AKAP19: variants seen among roughly 807,000 people sequenced by gnomAD.
AKAP19 encodes A-kinase anchoring protein 19, also known as small A-kinase anchoring protein.
the AKAP19 span, among the ~76,000 whole-genome samples, chr2:189,903,426 G>A: frequency 1.3e-5 from 2 of 151,864 alleles, no homozygotes; most frequent in African/African-American, 2.4e-5. Context: ...ACAAGGCAAG[G>A]TCTTGAGGAT....
chr2:189,914,493 G>A, the AKAP19 span, among the ~76,000 whole-genome samples: 1 of 152,064 alleles, frequency 6.6e-6, no homozygotes, highest in East Asian at 1.9e-4. Context: ...ACTGCCAGCA[G>A]TAAGCTAAAT....
the AKAP19 span, chr2:189,924,063 G>T: frequency 3.2e-5 from 49 of 1,533,420 alleles, no homozygotes; most frequent in East Asian, 9.2e-4. Context: ...TCTGAGGGGG[G>T]TGCAGATGAC....
At chr2:190,159,829 C>A in the AKAP19 span, among the ~76,000 whole-genome samples, 1 of 152,182 alleles carries the variant, frequency 6.6e-6, no homozygotes, top group Non-Finnish European at 1.5e-5. Flanking sequence ...TTCTTAAGAG[C>A]CATTGTTGGC....
At chr2:189,993,106 G>C in the AKAP19 span, among the ~76,000 whole-genome samples, 1 of 152,174 alleles carries the variant, frequency 6.6e-6, no homozygotes, top group Non-Finnish European at 1.5e-5. Flanking sequence ...GTTCCCTGGG[G>C]GAATGCTTTC....
At chr2:190,097,238 CA>C in the AKAP19 span, among the ~76,000 whole-genome samples, 2 of 152,076 alleles carry the variant, frequency 1.3e-5, no homozygotes, top group South Asian at 2.1e-4. Context: ...ACCCCTACCC[CA>C]ACAGGCCCCA....
the AKAP19 span, among the ~76,000 whole-genome samples, chr2:190,122,107 G>A: frequency 3.9e-5 from 6 of 152,142 alleles, no homozygotes; most frequent in Non-Finnish European, 1.5e-5. Flanking sequence ...CAATAAAATG[G>A]CAAAGTACTT....
the AKAP19 span, among the ~76,000 whole-genome samples, chr2:189,966,174 T>C: frequency 6.9e-6 from 1 of 144,530 alleles, no homozygotes; most frequent in East Asian, 2.2e-4. Context: ...CAATGGACTT[T>C]GGGTACCTGG....
the AKAP19 span, among the ~76,000 whole-genome samples, chr2:190,039,680 C>T: frequency 6.6e-6 from 1 of 151,944 alleles, no homozygotes; most frequent in Non-Finnish European, 1.5e-5. Flanking sequence ...CCCACCCTCT[C>T]CCCTCAAGTA....
At chr2:189,882,291 G>C in the AKAP19 span, among the ~76,000 whole-genome samples, 1 of 152,164 alleles carries the variant, frequency 6.6e-6, no homozygotes, top group South Asian at 2.1e-4. Flanking sequence ...GTATGAACCT[G>C]AGAACATATC....
At chr2:190,010,145 G>C in the AKAP19 span, among the ~76,000 whole-genome samples, 1 of 152,174 alleles carries the variant, frequency 6.6e-6, no homozygotes, top group Non-Finnish European at 1.5e-5. Context: ...GGAAAGACAA[G>C]GGAGTATTTC....
chr2:190,046,308 A>G, the AKAP19 span, among the ~76,000 whole-genome samples: 1 of 152,116 alleles, frequency 6.6e-6, no homozygotes, highest in Non-Finnish European at 1.5e-5. Flanking sequence ...AAATACGTAT[A>G]ATAATAGTCT....
the AKAP19 span, among the ~76,000 whole-genome samples, chr2:190,053,954 G>A: frequency 6.6e-6 from 1 of 151,924 alleles, no homozygotes; most frequent in Non-Finnish European, 1.5e-5. Context: ...TGGAGAGGAG[G>A]GATCACTTAA....
At chr2:189,917,317 G>T in the AKAP19 span, 1 of 1,416,174 alleles carries the variant, frequency 7.1e-7, no homozygotes, top group South Asian at 1.2e-5. Flanking sequence ...CTTTTAACAT[G>T]ACACTTGTCC....
the AKAP19 span, chr2:190,202,041 A>G: frequency 6.0e-6 from 1 of 166,984 alleles, no homozygotes; most frequent in African/African-American, 2.4e-5. Flanking sequence ...TGCCCCACTA[A>G]ACTTTTCAGT....
the AKAP19 span, among the ~76,000 whole-genome samples, chr2:189,975,969 C>T: frequency 1.3e-5 from 2 of 152,136 alleles, no homozygotes; most frequent in Non-Finnish European, 2.9e-5. Flanking sequence ...GTCTGAAGCC[C>T]TCTTCTCTCA....
chr2:190,027,490 A>G, the AKAP19 span, among the ~76,000 whole-genome samples: 1 of 152,316 alleles, frequency 6.6e-6, no homozygotes, highest in African/African-American at 2.4e-5. Flanking sequence ...TCTTATTTTA[A>G]AATTAAATCA....
chr2:189,953,484 A>G, the AKAP19 span, among the ~76,000 whole-genome samples: 1 of 151,888 alleles, frequency 6.6e-6, no homozygotes, highest in Admixed American at 6.6e-5. Context: ...AAAATACAAA[A>G]TTAGCCAGGC....
the AKAP19 span, among the ~76,000 whole-genome samples, chr2:189,973,978 C>T: frequency 1.3e-5 from 2 of 152,148 alleles, no homozygotes; most frequent in East Asian, 3.9e-4. Context: ...TCTCTATTTC[C>T]TTCAGTTCTG....
chr2:189,907,554 G>A, the AKAP19 span, among the ~76,000 whole-genome samples: 9 of 151,968 alleles, frequency 5.9e-5, no homozygotes, highest in African/African-American at 1.5e-4. Context: ...CCTACAGTAC[G>A]TTTAATGGTT....
Sources: gnomAD v4.1 joint callset for allele counts (sites outside exome capture counted in the v4.1 genomes callset) on GRCh38, gnomAD v4.1.1 for gene constraint, MANE v1.5 for transcripts, NCBI Gene and HGNC (gene_info 2026-07-23, HGNC 2026-07-21) for gene names.